The following NSUN5 variants were observed in gnomAD, a reference collection of about 807,000 sequenced individuals.
The protein encoded by NSUN5 is NOP2/Sun RNA methyltransferase 5, also known as 28S rRNA (cytosine-C(5))-methyltransferase.
In NSUN5, 39 loss-of-function variants were observed where a neutral mutation model predicts 51.1. That is an observed-to-expected ratio of 0.76 (90% CI 0.59 to 1.00). The LOEUF (loss-of-function observed/expected upper bound fraction) is 1.00. Ranked by LOEUF, NSUN5 falls within the 50% of genes least tolerant of loss-of-function variation. The probability of loss-of-function intolerance (pLI) is 0.00; values close to 1 mark genes in which losing one functional copy is unlikely to be tolerated. For missense variants in NSUN5, 526 were observed against 614.0 expected (o/e 0.86, Z 1.51); for synonymous variants, 266 against 271.5 (o/e 0.98, Z 0.20).
At position 73,307,461 on chromosome 7, in the gene NSUN5, T is replaced by C; in HGVS notation, c.433A>G (p.Thr145Ala). Residue 145 changes from threonine to alanine, a missense_variant, in exon 4 of 10, where the codon ACC becomes GCC. Physicochemically the swap from Thr to Ala is moderately conservative, Grantham distance 58. Coordinates refer to ENST00000438747, the MANE Select transcript of NSUN5 (RefSeq NM_148956.4). ...TAATCAACTACATCATCGGAGCAGG[T>C]CTTGAGAGTGTTCACACGCACAAAT... ...PRFVRVNTLK[T>A]CSDDVVDYFK... 6.2e-7 allele frequency: 1 copy of C among 1,614,120 alleles called. No homozygotes were observed. The highest frequency in any genetic ancestry group is 8.5e-7 in the Non-Finnish European group (1 of 1,180,024).
chr7:73,305,957 C>T lies in NSUN5; in HGVS notation c.501-860G>A, dbSNP rs111321782. Among the ~76,000 whole-genome samples, 832 of 152,268 alleles carry T rather than the reference C, an allele frequency of 5.5e-3. 6 individuals are homozygous for T. The highest frequency in any genetic ancestry group is 9.6e-3 in the Non-Finnish European group (653 of 68,028). ...TTCTCAGAGCCAACGAAGGACAAAA[C>T]GAGACAGGTGTGAGCCCAGTGGAGG... On this transcript the variant is annotated intron_variant, in intron 4 of 9. Transcript: ENST00000438747.
chr7:73,305,235 G>A (rs1246101564), intron 4 of NSUN5, 138 bp from the exon 5 acceptor site: 64 of 1,197,620 alleles, frequency 5.3e-5, no homozygotes, highest in East Asian at 3.6e-4. Context: ...GGCGGAATCC[G>A]CAGTTGAGGG....
Position 73,304,483 on chromosome 7 carries a change from G to A in NSUN5, c.756-75C>T, listed in dbSNP as rs1803952935. ...TGTCACAGCCAACCAGAACATGCAG[G>A]TTAAGCCAGGACACACAATATTGAA... On this transcript the variant is annotated intron_variant, in intron 6 of 9. Coordinates refer to ENST00000438747, the MANE Select transcript of NSUN5 (RefSeq NM_148956.4). The A allele has an allele frequency of 7.2e-6, 10 of 1,387,698 alleles. 1 individual carries two copies. The highest frequency in any genetic ancestry group is 4.1e-5 in the Admixed American group (2 of 48,546). 86.0% of individuals were successfully genotyped at this position (1,387,698 alleles called of 1,614,324 possible).
rs201832575 is a variant in NSUN5 at position 73,304,425 on chromosome 7, G to A, written c.756-17C>T. Reference sequence around the variant, plus strand: ...AAGATCTTCCTAGGGCAAAGCAGGGGTGAGCTGAGCACGCATGGAGCAGCT... The same window carrying A: ...AAGATCTTCCTAGGGCAAAGCAGGGATGAGCTGAGCACGCATGGAGCAGCT... On this transcript the variant is annotated splice_polypyrimidine_tract_variant and intron_variant, in intron 6 of 9. Transcript: ENST00000438747. 1.2e-6 allele frequency: 2 copies of A among 1,602,994 alleles called. No individual in the cohort carries two copies. Among genetic ancestry groups the A allele is most frequent in the South Asian group, 2.2e-5 (2 of 88,972 alleles).
Position 73,308,488 on chromosome 7 carries a change from C to T in NSUN5, c.159G>A (p.Val53=). 1 of 1,608,550 alleles carries T rather than the reference C, an allele frequency of 6.2e-7. No homozygotes were observed. Among genetic ancestry groups the T allele is most frequent in the Non-Finnish European group, 8.5e-7 (1 of 1,176,990 alleles). Residue 53 remains valine, a synonymous_variant, in exon 2 of 10, where the codon GTG becomes GTA. Coordinates refer to ENST00000438747, the MANE Select transcript of NSUN5 (RefSeq NM_148956.4). ...CACGGAGGAGGCCGGCGCTGGCGAT[C>T]ACAGCATCCAGCACGGCGGAGTAGC... The part of the protein sequence containing the change: ...TQRYSAVLDA[V]IASAGLLRAE...
In NSUN5 at chr7:73,307,606, T is replaced by C. The variant is rs1444473854; in HGVS notation, c.368A>G (p.Glu123Gly). 1 of 1,402,842 alleles carries C rather than the reference T, an allele frequency of 7.1e-7. No homozygotes were observed. Among genetic ancestry groups the C allele is most frequent in the Non-Finnish European group, 9.5e-7 (1 of 1,056,194 alleles). The allele number at this position is 1,402,842 out of a possible 1,614,324, so 86.9% of individuals were successfully genotyped here. A position where few individuals can be genotyped will look rare whatever the true frequency, so the allele number is the denominator to read the frequency against. The change falls in exon 3 of 10, where the codon GAA becomes GGA. Residue 123 changes from glutamate (E) to glycine (G), a missense_variant. Glu to Gly is a moderately conservative substitution (Grantham distance 98, BLOSUM62 -2). Transcript: ENST00000438747. ...RGVSRNEDLL[E>G]VGSRPGPASQ... ...ACCTGGACCAGGCCTGGATCCCACT[T>C]CCAACAGGTCCTCATTCCGGCTCAC...
At position 73,308,495 on chromosome 7, in the gene NSUN5, T is replaced by C. The variant is rs782289066; in HGVS notation, c.152A>G (p.Asp51Gly). The change falls in exon 2 of 10, where the codon GAT becomes GGT. Residue 51 changes from aspartate to glycine, a missense_variant. Physicochemically the swap from Asp to Gly is moderately conservative, Grantham distance 94. Coordinates refer to ENST00000438747, the MANE Select transcript of NSUN5 (RefSeq NM_148956.4). ...GAGGCCGGCGCTGGCGATCACAGCA[T>C]CCAGCACGGCGGAGTAGCGCTGCGT... ...CETQRYSAVL[D>G]AVIASAGLLR... The C allele has an allele frequency of 1.2e-6, 2 of 1,608,456 alleles. No individual in the cohort carries two copies. Among genetic ancestry groups the C allele is most frequent in the Admixed American group, 3.3e-5 (2 of 59,972 alleles).
At chr7:73,306,967 A>G (rs539487079) in intron 4 of NSUN5, among the ~76,000 whole-genome samples, 1 of 152,322 alleles carries the variant, frequency 6.6e-6, no homozygotes, top group African/African-American at 2.4e-5. Context: ...AGGATGACTC[A>G]GTTTCTGGCT....
rs200904083 is a variant in NSUN5 at position 73,305,018 on chromosome 7, G to C, written c.580C>G (p.Gln194Glu). 3.7e-6 allele frequency: 6 copies of C among 1,611,022 alleles called. No homozygotes were observed. Among genetic ancestry groups the C allele is most frequent in the Non-Finnish European group, 5.1e-6 (6 of 1,177,740 alleles). The change falls in exon 5 of 10, where the codon CAG becomes GAG. Residue 194 changes from glutamine (Q) to glutamate (E), a missense_variant. By Grantham distance (29) the Gln-to-Glu change is conservative (BLOSUM62 2). Coordinates refer to ENST00000438747, the MANE Select transcript of NSUN5 (RefSeq NM_148956.4). ...AGTGGGTGTTCATGCAGATCTGTCTGGGCGGGAAACACCAGCAGCTCCGGC... is the reference window on the plus strand; with the variant it reads ...AGTGGGTGTTCATGCAGATCTGTCTCGGCGGGAAACACCAGCAGCTCCGGC... ...LMPELLVFPA[Q>E]TDLHEHPLYR...
rs537881521 is a variant in NSUN5 at position 73,302,981 on chromosome 7, T to C, written c.*434A>G. ...GCTTCTACCTGTACCTTATGTAAGG[T>C]AGACCCTCCTAGTGTCAGCACCTGA... On this transcript the variant is annotated 3_prime_UTR_variant, in exon 10 of 10. Transcript: ENST00000438747. 32 of 1,182,894 alleles carry C rather than the reference T, an allele frequency of 2.7e-5. No homozygotes were observed. Among genetic ancestry groups the C allele is most frequent in the South Asian group, 2.5e-4 (12 of 48,140 alleles). The allele number at this position is 1,182,894 out of a possible 1,614,324, so 73.3% of individuals were successfully genotyped here.
Position 73,307,666 on chromosome 7 carries a change from T to C in NSUN5, c.308A>G (p.Lys103Arg), listed in dbSNP as rs199505274. 361 of 1,609,590 alleles carry C rather than the reference T, an allele frequency of 2.2e-4. 1 individual carries two copies. In the East Asian group the frequency reaches 8.0e-3, roughly 36 times the overall value. The change falls in exon 3 of 10, where the codon AAG becomes AGG. Residue 103 changes from lysine (K) to arginine (R), a missense_variant. Lys to Arg is a conservative substitution (Grantham distance 26). Coordinates refer to ENST00000438747, the MANE Select transcript of NSUN5 (RefSeq NM_148956.4). ...AACCTTGAGCCGAGCCAACTCAGCC[T>C]TGAGCCTCGCCTGGTGCCGGCCCAA... ...ALLGRHQARLKAELARLKVHR... is the reference protein window; with the variant it reads ...ALLGRHQARLRAELARLKVHR...
chr7:73,304,301 G>A lies in NSUN5; in HGVS notation c.863C>T (p.Ala288Val), dbSNP rs782447362. The A allele has an allele frequency of 9.3e-6, 15 of 1,614,130 alleles. No individual in the cohort carries two copies. The Admixed American group carries it at 1.0e-4, about 11-fold the overall frequency. ...CCELAEEDFL[A>V]VSPSDPRYHE... is the part of the protein sequence containing the mutation. Reference sequence around the variant, plus strand: ...GTAGCGTGGATCCGAGGGGGAGACCGCCAGGAAGTCCTCCTCAGCCAGTTC... The same window carrying A: ...GTAGCGTGGATCCGAGGGGGAGACCACCAGGAAGTCCTCCTCAGCCAGTTC... Residue 288 changes from alanine to valine, a missense_variant, in exon 7 of 10, where the codon GCG becomes GTG. Coordinates refer to ENST00000438747, the MANE Select transcript of NSUN5 (RefSeq NM_148956.4).
At chr7:73,304,481 A>C in intron 6 of NSUN5, 73 bp from the exon 7 acceptor site, 2 of 1,382,534 alleles carry the variant, frequency 1.4e-6, no homozygotes, top group Non-Finnish European at 2.0e-6. Context: ...CAGAACATGC[A>C]GGTTAAGCCA....
In NSUN5 at chr7:73,303,827, T is replaced by C; in HGVS notation, c.1144A>G (p.Arg382Gly). Reference protein sequence around the residue: ...DALQQNPGAFRLAPALPAWPH... With the variant: ...DALQQNPGAFGLAPALPAWPH... Reference sequence around the variant, plus strand: ...ACGACCCTGGCGCCCGCCCTGTACCTGAAGGCGCCCGGGTTCTGCTGCAGC... The same window carrying C: ...ACGACCCTGGCGCCCGCCCTGTACCCGAAGGCGCCCGGGTTCTGCTGCAGC... Residue 382 changes from arginine (R) to glycine (G), a missense_variant and splice_region_variant, in exon 8 of 10, where the codon AGG becomes GGG. By Grantham distance (125) the Arg-to-Gly change is moderately radical (BLOSUM62 -2). Transcript: ENST00000438747. 1 of 1,613,768 alleles carries C rather than the reference T, an allele frequency of 6.2e-7. No homozygotes were observed. Among genetic ancestry groups the C allele is most frequent in the East Asian group, 2.2e-5 (1 of 44,858 alleles).
At chr7:73,306,808 G>A (rs1804058545) in intron 4 of NSUN5, among the ~76,000 whole-genome samples, 1 of 152,072 alleles carries the variant, frequency 6.6e-6, no homozygotes, top group South Asian at 2.1e-4. Context: ...TTGAACCCGG[G>A]AGGCAGTGAG....
At position 73,307,718 on chromosome 7, in the gene NSUN5, C is replaced by G. The variant is rs782046370; in HGVS notation, c.256G>C (p.Gly86Arg). ...YELLLGKGFR[G>R]GGGRWKALLG... Reference sequence around the variant, plus strand: ...AGAGCCTTCCATCGGCCCCCACCCCCTCGAAAGCCCTTTCCCAACAACAAC... The same window carrying G: ...AGAGCCTTCCATCGGCCCCCACCCCGTCGAAAGCCCTTTCCCAACAACAAC... Residue 86 changes from glycine to arginine, a missense_variant, in exon 3 of 10, where the codon GGG becomes CGG. Physicochemically the swap from Gly to Arg is moderately radical, Grantham distance 125. Transcript: ENST00000438747. The G allele has an allele frequency of 2.1e-5, 33 of 1,584,308 alleles. No individual in the cohort carries two copies. Among genetic ancestry groups the G allele is most frequent in the Middle Eastern group, 1.7e-4 (1 of 6,046 alleles).
Position 73,305,066 on chromosome 7 carries a change from G to A in NSUN5, c.532C>T (p.His178Tyr), listed in dbSNP as rs1803983664. 11 of 1,609,978 alleles carry A rather than the reference G, an allele frequency of 6.8e-6. No individual in the cohort carries two copies. The East Asian group carries it at 2.0e-4, about 29-fold the overall frequency. The change falls in exon 5 of 10, where the codon CAT becomes TAT. Residue 178 changes from histidine (H) to tyrosine (Y), a missense_variant. Physicochemically the swap from His to Tyr is moderately conservative, Grantham distance 83. Transcript: ENST00000438747. ...GGCATCAAGGGGTCCAGGAGAAAAT[G>A]CTTCCCCTTGAGGGCTCGTAAGTCA... ...LDDLRALKGK[H>Y]FLLDPLMPEL...
At chr7:73,305,680 T>C (rs1405217126) in intron 4 of NSUN5, among the ~76,000 whole-genome samples, 1 of 151,962 alleles carries the variant, frequency 6.6e-6, no homozygotes, top group Non-Finnish European at 1.5e-5. Context: ...GAGTTAGTCA[T>C]GTGAGGCGCT....
intron 4 of NSUN5, among the ~76,000 whole-genome samples, chr7:73,306,939 G>C (rs1301873153): frequency 6.6e-6 from 1 of 152,162 alleles, no homozygotes; most frequent in Non-Finnish European, 1.5e-5. Context: ...TGATTGGAGG[G>C]AGGAGAAGGA....
Sources: allele counts gnomAD v4.1 joint callset (sites outside exome capture counted in the v4.1 genomes callset), GRCh38; gene constraint gnomAD v4.1.1; transcripts MANE v1.5; gene names NCBI Gene and HGNC (gene_info 2026-07-23, HGNC 2026-07-21).